Variants in IMMP2L observed in about 807,000 individuals in gnomAD.
IMMP2L encodes the protein mitochondrial inner membrane protease subunit 2.
In IMMP2L, 18 loss-of-function variants were observed where a neutral mutation model predicts 19.3. The observed-to-expected ratio is 0.93, with a 90% confidence interval of 0.64 to 1.38. The LOEUF is 1.38. IMMP2L is among the 40% of genes most tolerant of loss of function. IMMP2L has a pLI of 0.00. For missense variants in IMMP2L, 233 were observed against 218.2 expected (o/e 1.07, Z -0.43); for synonymous variants, 76 against 73.0 (o/e 1.04, Z -0.21).
At chr7:111,188,687 C>T (rs1406374439) in intron 3 of IMMP2L, among the ~76,000 whole-genome samples, 4 of 151,986 alleles carry the variant, frequency 2.6e-5, no homozygotes, top group Non-Finnish European at 4.4e-5. Context: ...ATTTCTTGTA[C>T]TTGCTAGTGA....
chr7:110,723,877 CAG>C (rs1052294219), intron 5 of IMMP2L, among the ~76,000 whole-genome samples: 2 of 145,266 alleles, frequency 1.4e-5, no homozygotes, highest in Admixed American at 6.9e-5. Flanking sequence ...AAAAAAAGAA[CAG>C]ATGTCTCGGA....
intron 3 of IMMP2L, among the ~76,000 whole-genome samples, chr7:111,321,465 G>A (rs998483011): frequency 1.3e-5 from 2 of 151,732 alleles, no homozygotes; most frequent in Non-Finnish European, 2.9e-5. Context: ...TATTCTCAAT[G>A]TCTCAAATTA....
chr7:111,105,493 A>G (rs1041557612), intron 3 of IMMP2L, among the ~76,000 whole-genome samples: 1 of 151,912 alleles, frequency 6.6e-6, no homozygotes, highest in African/African-American at 2.4e-5. Context: ...CTGACGGACA[A>G]TTTACATCTG....
chr7:111,284,871 G>C (rs1820319953), intron 3 of IMMP2L, among the ~76,000 whole-genome samples: 2 of 152,164 alleles, frequency 1.3e-5, no homozygotes, highest in African/African-American at 4.8e-5. Flanking sequence ...CACTCTACCA[G>C]GCATTGGAGA....
chr7:110,993,141 T>G (rs1176091278), intron 3 of IMMP2L, among the ~76,000 whole-genome samples: 1 of 152,088 alleles, frequency 6.6e-6, no homozygotes, highest in Non-Finnish European at 1.5e-5. Flanking sequence ...CAGGCCAGGT[T>G]TCCCTAAGGC....
At position 111,123,189 on chromosome 7, in the gene IMMP2L, G is replaced by C; in HGVS notation, c.240-159624C>G. The C allele has an allele frequency of 6.2e-7, 1 of 1,613,924 alleles. No individual in the cohort carries two copies. Among genetic ancestry groups the C allele is most frequent in the Non-Finnish European group, 8.5e-7 (1 of 1,179,968 alleles). The stretch of plus-strand genomic sequence containing the variant: ...TGCCTGAAAAATGTCTGTCCGAACT[G>C]AGCAACTTACAAGAACTCTATATTA... On this transcript the variant is annotated intron_variant, in intron 3 of 5. Transcript: ENST00000405709. This position sits in a 1 kb window ranked among gnomAD's most constrained non-coding sequence, Gnocchi z 6.4.
At chr7:111,276,283 C>G (rs971481536) in intron 3 of IMMP2L, among the ~76,000 whole-genome samples, 4 of 152,018 alleles carry the variant, frequency 2.6e-5, no homozygotes, top group African/African-American at 9.7e-5. Context: ...TCCTTGCATC[C>G]TTGAGATAAA....
intron 5 of IMMP2L, among the ~76,000 whole-genome samples, chr7:110,883,981 C>A (rs1809954949): frequency 6.6e-6 from 1 of 151,778 alleles, no homozygotes; most frequent in Non-Finnish European, 1.5e-5. Flanking sequence ...AATATAATTA[C>A]TAAAATTAAT....
At chr7:111,012,200 T>C (rs1825038210) in intron 3 of IMMP2L, among the ~76,000 whole-genome samples, 1 of 152,170 alleles carries the variant, frequency 6.6e-6, no homozygotes, top group African/African-American at 2.4e-5. Context: ...ATGGCTAATT[T>C]TCATATGCAC....
intron 5 of IMMP2L, among the ~76,000 whole-genome samples, chr7:110,685,376 T>A (rs186150135): frequency 8.8e-4 from 134 of 152,324 alleles, no homozygotes; most frequent in African/African-American, 3.0e-3. Context: ...TTAAATGGTA[T>A]AATTTGCAAA....
At chr7:110,985,042 TAG>T (rs1463003300) in intron 3 of IMMP2L, among the ~76,000 whole-genome samples, 24 of 152,218 alleles carry the variant, frequency 1.6e-4, no homozygotes, top group South Asian at 4.1e-4. Context: ...AACACAGTGT[TAG>T]AGAGATGTTT....
intron 5 of IMMP2L, among the ~76,000 whole-genome samples, chr7:110,811,485 A>G (rs772884888): frequency 3.3e-5 from 5 of 152,046 alleles, no homozygotes; most frequent in Non-Finnish European, 5.9e-5. Flanking sequence ...TTATTCATCA[A>G]TGCAGCTGGA....
chr7:111,265,282 A>G (rs571007739), intron 3 of IMMP2L, among the ~76,000 whole-genome samples: 1 of 152,302 alleles, frequency 6.6e-6, no homozygotes, highest in South Asian at 2.1e-4. Context: ...TTGGAAATGT[A>G]TTCTATTAAA....
At chr7:111,258,801 T>A (rs1256894983) in intron 3 of IMMP2L, among the ~76,000 whole-genome samples, 1 of 152,114 alleles carries the variant, frequency 6.6e-6, no homozygotes, top group Non-Finnish European at 1.5e-5. Context: ...CCACCGTGCC[T>A]AGCCAGAAAA....
chr7:110,690,863 A>G (rs1003044134), intron 5 of IMMP2L, among the ~76,000 whole-genome samples: 1 of 152,188 alleles, frequency 6.6e-6, no homozygotes, highest in Admixed American at 6.5e-5. Flanking sequence ...CATGGATTGG[A>G]AGAATCAATA....
chr7:110,664,485 G>A (rs1036232208), intron 5 of IMMP2L, among the ~76,000 whole-genome samples: 3 of 152,124 alleles, frequency 2.0e-5, no homozygotes, highest in Admixed American at 6.6e-5. Context: ...AGAGATTGGC[G>A]AGGATGGAAG....
intron 3 of IMMP2L, among the ~76,000 whole-genome samples, chr7:111,259,660 TA>T (rs1817102210): frequency 6.6e-6 from 1 of 151,656 alleles, no homozygotes; most frequent in South Asian, 2.1e-4. Flanking sequence ...AAAACAATAA[TA>T]ATAATAATAA....
chr7:110,732,839 G>A (rs1175870550), intron 5 of IMMP2L, among the ~76,000 whole-genome samples: 1 of 150,994 alleles, frequency 6.6e-6, no homozygotes. Context: ...AGGCTGGGGT[G>A]TAGTGGCATG....
chr7:111,010,510 T>A (rs1347030122), intron 3 of IMMP2L, among the ~76,000 whole-genome samples: 1 of 152,116 alleles, frequency 6.6e-6, no homozygotes, highest in Non-Finnish European at 1.5e-5. Context: ...ACATGGATAG[T>A]TTCCATTAAA....
Sources: gnomAD v4.1 joint callset for allele counts (sites outside exome capture counted in the v4.1 genomes callset) on GRCh38, gnomAD v4.1.1 for gene constraint, Gnocchi (gnomAD v3.1) non-coding constraint, MANE v1.5 for transcripts, NCBI Gene and HGNC (gene_info 2026-07-23, HGNC 2026-07-21) for gene names.